Variants in CELSR1 observed in about 807,000 individuals in gnomAD.
CELSR1 encodes the protein adhesion G protein-coupled receptor C1.
In CELSR1, 110 loss-of-function variants were observed where a neutral mutation model predicts 249.1. The observed-to-expected ratio is 0.44, with a 90% CI of 0.38 to 0.52. The LOEUF (loss-of-function observed/expected upper bound fraction) is 0.52, where lower values mean the gene tolerates loss of function less well. Among genes scored for constraint, CELSR1 ranks in the 20% least tolerant of loss-of-function variants. The pLI, the probability that CELSR1 is intolerant of heterozygous loss-of-function variation, is 0.00. For missense variants in CELSR1, 4,109 were observed against 4,296.4 expected (o/e 0.96, Z 1.22); for synonymous variants, 2,113 against 1,900.0 (o/e 1.11, Z -2.92).
rs2079139045 is a variant in CELSR1, at chr22:46,395,566, C to G, written c.5843+1039G>C. ...CCCTGGCATCACATCTTGCTGATAT[C>G]CAAGAATGATGTGGTGCCATCTTCT... On this transcript the variant is annotated intron_variant, in intron 13 of 34. Transcript: ENST00000674500. This position sits in a 1 kb window ranked among gnomAD's most constrained non-coding sequence, Gnocchi z 5.5. 1.3e-5 allele frequency among the ~76,000 whole-genome samples: 2 copies of G among 152,210 alleles called. No homozygotes were observed. Among genetic ancestry groups the G allele is most frequent in the African/African-American group, 4.8e-5 (2 of 41,450 alleles).
rs6008781 is a variant in CELSR1 at position 46,374,277 on chromosome 22, G to A, written c.7585-1220C>T. Among the ~76,000 whole-genome samples, 42,079 of 152,154 alleles carry A rather than the reference G, an allele frequency of 0.28. 9,840 individuals are homozygous for A. The highest frequency in any genetic ancestry group is 0.64 in the African/African-American group (26,700 of 41,454). Reference sequence around the variant, plus strand: ...TTGGTTGGCTGGATGGCTGCTTCAAGTAATGCGAAAAGTAAACCCACGAAA... The same window carrying A: ...TTGGTTGGCTGGATGGCTGCTTCAAATAATGCGAAAAGTAAACCCACGAAA... On this transcript the variant is annotated intron_variant, in intron 24 of 34. Coordinates refer to ENST00000674500, the MANE Select transcript of CELSR1 (RefSeq NM_001378328.1). This position sits in a 1 kb window ranked among gnomAD's most constrained non-coding sequence, Gnocchi z 4.3.
At chr22:46,432,829 G>T (rs1049287095) in intron 5 of CELSR1, among the ~76,000 whole-genome samples, 1 of 152,050 alleles carries the variant, frequency 6.6e-6, no homozygotes, top group Non-Finnish European at 1.5e-5. Flanking sequence ...CTCCCCCAGC[G>T]CAGGAGATCT....
At chr22:46,414,969 C>T (rs76447089) in intron 5 of CELSR1, among the ~76,000 whole-genome samples, 4,797 of 152,186 alleles carry the variant, frequency 0.032, 234 homozygotes, top group African/African-American at 0.1. Flanking sequence ...TGACACACAA[C>T]GGTGCGGGGG....
chr22:46,384,394 G>C, intron 20 of CELSR1, 149 bp downstream of exon 20: 1 of 888,590 alleles, frequency 1.1e-6, no homozygotes, highest in Non-Finnish European at 1.6e-6. Flanking sequence ...ACAACCTGCT[G>C]TCACCAACAG....
intron 26 of CELSR1, among the ~76,000 whole-genome samples, 175 bp downstream of exon 26, chr22:46,369,517 G>T (rs561341842): frequency 5.4e-4 from 83 of 152,360 alleles, no homozygotes; most frequent in African/African-American, 2.0e-3. Context: ...CTGAATCCAC[G>T]ATCAGAGGGT....
rs1393190304 is a variant in CELSR1, at chr22:46,535,018, C to T, written c.2153G>A (p.Ser718Asn). Residue 718 changes from serine to asparagine, a missense_variant, in exon 1 of 35, where the codon AGT (serine) becomes AAT (asparagine). Coordinates refer to ENST00000674500, the MANE Select transcript of CELSR1 (RefSeq NM_001378328.1). The stretch of plus-strand genomic sequence containing the variant: ...GCCTGTGAGCTGGTAGGTAATCACA[C>T]TGTTGGCGTCACGGTCGCGGGCCTG... The part of the protein sequence containing the change: ...TLQARDRDAN[S>N]VITYQLTGGN... 1 of 1,612,508 alleles carries T rather than the reference C, an allele frequency of 6.2e-7. No individual in the cohort carries two copies. Among genetic ancestry groups the T allele is most frequent in the Non-Finnish European group, 8.5e-7 (1 of 1,179,874 alleles).
chr22:46,380,313 T>TG lies in CELSR1; in HGVS notation c.7256+474dup, dbSNP rs1169017613. Among the ~76,000 whole-genome samples the TG allele has an allele frequency of 6.6e-6, 1 of 152,184 alleles. No homozygotes were observed. The highest frequency in any genetic ancestry group is 1.5e-5 in the Non-Finnish European group (1 of 68,032). On this transcript the variant is annotated intron_variant, in intron 22 of 34. Transcript: ENST00000674500. The surrounding 1 kb of genome is among the most constrained non-coding windows in gnomAD (Gnocchi z 5.1). ...TGTGCTGCGGCCAGGTGTGGCCTCT[T>TG]GGGGGTGAAGCCAGTCCCCACAGCT...
In CELSR1 at chr22:46,536,533, G is replaced by C; in HGVS notation, c.638C>G (p.Ser213Cys). The C allele has an allele frequency of 7.1e-7, 1 of 1,416,148 alleles. No homozygotes were observed. The highest frequency in any genetic ancestry group is 1.5e-5 in the South Asian group (1 of 65,250). The allele number at this position is 1,416,148 out of a possible 1,614,324, so 87.7% of individuals were successfully genotyped here. A position where few individuals can be genotyped will look rare whatever the true frequency, so the allele number is the denominator to read the frequency against. ...GTTCGGCGGCAGGGGCGGCGATGGG[G>C]ATGGCGACGCGGAGGGCGTCCCCGC... ...ATAGTPSASP[S>C]PSPPLPPNLP... Residue 213 changes from serine to cysteine, a missense_variant, in exon 1 of 35, where the codon TCC becomes TGC. Ser to Cys is a moderately radical substitution (Grantham distance 112). Coordinates refer to ENST00000674500, the MANE Select transcript of CELSR1 (RefSeq NM_001378328.1).
At chr22:46,493,692 T>A (rs2080389019) in intron 1 of CELSR1, among the ~76,000 whole-genome samples, 1 of 152,062 alleles carries the variant, frequency 6.6e-6, no homozygotes, top group South Asian at 2.1e-4. Flanking sequence ...TGGGGGCAGG[T>A]CTTTTCTGTG....
At position 46,389,400 on chromosome 22, in the gene CELSR1, A is replaced by G; in HGVS notation, c.6445T>C (p.Phe2149Leu). Residue 2149 changes from phenylalanine to leucine, a missense_variant, in exon 18 of 35, where the codon TTT (phenylalanine) becomes CTT (leucine). Physicochemically the swap from Phe to Leu is conservative, Grantham distance 22. This residue lies in a region of CELSR1 where 1,805 missense variants were observed against 1,831.6 expected (regional missense o/e 0.99). Transcript: ENST00000674500. ...TAGGCCGTGCGCACGTCATTGCCAA[A>G]GAGCGTGCCCGTGTGCTGTGTAGCA... is the stretch of plus-strand genomic sequence containing the variant. ...RSATQHTGTL[F>L]GNDVRTAYQL... 6.2e-7 allele frequency: 1 copy of G among 1,612,296 alleles called. No homozygotes were observed. Among genetic ancestry groups the G allele is most frequent in the Middle Eastern group, 1.7e-4 (1 of 5,986 alleles).
Position 46,411,091 on chromosome 22 carries a change from C to T in CELSR1, c.4769+511G>A, listed in dbSNP as rs2079328988. ...GTGCATGCCTGTAGTCCCAGCTACTCGGGAGGCTGTGGCAGGAGGATGGCT... is the reference window on the plus strand; with the variant it reads ...GTGCATGCCTGTAGTCCCAGCTACTTGGGAGGCTGTGGCAGGAGGATGGCT... On this transcript the variant is annotated intron_variant, in intron 6 of 34. Transcript: ENST00000674500. This position sits in a 1 kb window ranked among gnomAD's most constrained non-coding sequence, Gnocchi z 4.2. Among the ~76,000 whole-genome samples the T allele has an allele frequency of 6.6e-6, 1 of 152,062 alleles. No individual in the cohort carries two copies. Among genetic ancestry groups the T allele is most frequent in the Admixed American group, 6.6e-5 (1 of 15,264 alleles).
rs1422202040 is a variant in CELSR1 at position 46,427,089 on chromosome 22, G to A, written c.4611+6304C>T. On this transcript the variant is annotated intron_variant, in intron 5 of 34. Coordinates refer to ENST00000674500, the MANE Select transcript of CELSR1 (RefSeq NM_001378328.1). This position sits in a 1 kb window ranked among gnomAD's most constrained non-coding sequence, Gnocchi z 4.2. ...TAGGAAAAAAAGATCAATATGAAGT[G>A]TGTGTGCATGTATATATGTACACAC... 2.0e-5 allele frequency among the ~76,000 whole-genome samples: 3 copies of A among 152,122 alleles called. No homozygotes were observed. The highest frequency in any genetic ancestry group is 6.6e-5 in the Admixed American group (1 of 15,264).
intron 1 of CELSR1, among the ~76,000 whole-genome samples, chr22:46,476,450 GCCA>G (rs2080209109): frequency 6.6e-6 from 1 of 150,622 alleles, no homozygotes; most frequent in South Asian, 2.1e-4. Flanking sequence ...TAAAAAATTA[GCCA>G]GGCGTGGTGG....
chr22:46,393,859 C>T lies in CELSR1; in HGVS notation c.5964+283G>A, dbSNP rs1004547426. ...CTTCCCACAGCCATGGGCAGTAGGC[C>T]GGGAGGAGGCAGGGATTCCTGTTCC... On this transcript the variant is annotated intron_variant, in intron 14 of 34. Coordinates refer to ENST00000674500, the MANE Select transcript of CELSR1 (RefSeq NM_001378328.1). This position sits in a 1 kb window ranked among gnomAD's most constrained non-coding sequence, Gnocchi z 4.1. 7.2e-5 allele frequency among the ~76,000 whole-genome samples: 11 copies of T among 152,170 alleles called. No homozygotes were observed. Among genetic ancestry groups the T allele is most frequent in the East Asian group, 5.8e-4 (3 of 5,198 alleles).
In CELSR1 at chr22:46,500,899, C is replaced by T. The variant is rs1469909199; in HGVS notation, c.3544+32728G>A. 6.6e-6 allele frequency among the ~76,000 whole-genome samples: 1 copy of T among 152,198 alleles called. No individual in the cohort carries two copies. On this transcript the variant is annotated intron_variant, in intron 1 of 34. Coordinates refer to ENST00000674500, the MANE Select transcript of CELSR1 (RefSeq NM_001378328.1). This position sits in a 1 kb window ranked among gnomAD's most constrained non-coding sequence, Gnocchi z 4.9. The stretch of plus-strand genomic sequence containing the variant: ...CACGCCCATGATGGGACCCGAAAAT[C>T]AGCCCATTTACATGCCAAGTGCTGA...
chr22:46,419,554 G>A (rs1417818266), intron 5 of CELSR1, among the ~76,000 whole-genome samples: 1 of 152,138 alleles, frequency 6.6e-6, no homozygotes, highest in African/African-American at 2.4e-5. Context: ...CCTGGGATGG[G>A]GCCTCTGAGC....
In CELSR1 at chr22:46,363,170, G is replaced by A. The variant is rs766933556; in HGVS notation, c.*53C>T. The A allele has an allele frequency of 6.2e-7, 1 of 1,613,676 alleles. No homozygotes were observed. Among genetic ancestry groups the A allele is most frequent in the Non-Finnish European group, 8.5e-7 (1 of 1,179,894 alleles). On this transcript the variant is annotated 3_prime_UTR_variant, in exon 35 of 35. Transcript: ENST00000674500. This position sits in a 1 kb window ranked among gnomAD's most constrained non-coding sequence, Gnocchi z 4.3. ...ATGCCGCAGCCTGTGTGGGGTGACG[G>A]GCTTGCCTCACGGTTTCCTGATGGT...
Position 46,473,582 on chromosome 22 carries a change from T to TGGTTAGGGCAGCCC in CELSR1, c.3545-9251_3545-9238dup, listed in dbSNP as rs2080177690. On this transcript the variant is annotated intron_variant, in intron 1 of 34. Coordinates refer to ENST00000674500, the MANE Select transcript of CELSR1 (RefSeq NM_001378328.1). This position sits in a 1 kb window ranked among gnomAD's most constrained non-coding sequence, Gnocchi z 6.6. ...CCCGTCACCAACGCCCCTCGAGGCC[T>TGGTTAGGGCAGCCC]GGTTAGGGCAGCCCATGATGCCCTC... Among the ~76,000 whole-genome samples, 1 of 152,122 alleles carries TGGTTAGGGCAGCCC rather than the reference T, an allele frequency of 6.6e-6. No homozygotes were observed. The highest frequency in any genetic ancestry group is 1.9e-4 in the East Asian group (1 of 5,172).
Position 46,452,514 on chromosome 22 carries a change from G to A in CELSR1, c.4183+11193C>T, listed in dbSNP as rs540073103. Among the ~76,000 whole-genome samples the A allele has an allele frequency of 7.9e-5, 12 of 152,280 alleles. No individual in the cohort carries two copies. The South Asian group carries it at 1.2e-3, about 16-fold the overall frequency. ...TACACACAGCTGGCACTTAGGGGGC[G>A]GTCAGCCCTGCTGATCACCAGGACA... is the stretch of plus-strand genomic sequence containing the variant. On this transcript the variant is annotated intron_variant, in intron 2 of 34. Coordinates refer to ENST00000674500, the MANE Select transcript of CELSR1 (RefSeq NM_001378328.1).
Sources: allele counts gnomAD v4.1 joint callset (sites outside exome capture counted in the v4.1 genomes callset), GRCh38; gene constraint gnomAD v4.1.1; regional missense constraint gnomAD v4.1.1; non-coding constraint Gnocchi (gnomAD v3.1); transcripts MANE v1.5; gene names NCBI Gene and HGNC (gene_info 2026-07-23, HGNC 2026-07-21).